PPP1R21: variants seen among roughly 807,000 people sequenced by gnomAD.
The protein encoded by PPP1R21 is protein phosphatase 1 regulatory subunit 21.
Under a neutral mutation model 112.8 loss-of-function variants are expected in PPP1R21, and 85 were observed. That is an observed-to-expected ratio of 0.75 (90% CI 0.63 to 0.90). The LOEUF is 0.90. Among genes scored for constraint, PPP1R21 ranks in the 40% least tolerant of loss-of-function variants. The pLI is 0.00. For missense variants in PPP1R21, 1,199 were observed against 901.5 expected, an observed-to-expected ratio of 1.33 and a Z score of -4.23; for synonymous variants, 381 against 322.3, an observed-to-expected ratio of 1.18 and a Z score of -1.95.
Position 48,454,672 on chromosome 2 carries a change from G to T in PPP1R21, c.204G>T (p.Gln68His). 2.5e-6 allele frequency: 4 copies of T among 1,614,196 alleles called. No homozygotes were observed. The Admixed American group carries it at 5.0e-5, about 20-fold the overall frequency. The change falls in exon 3 of 22, where the codon CAG (glutamine) becomes CAT (histidine). Residue 68 changes from glutamine (Q) to histidine (H), a missense_variant. By Grantham distance (24) the Gln-to-His change is conservative. Coordinates refer to ENST00000294952, the MANE Select transcript of PPP1R21 (RefSeq NM_001135629.3). ...EMDSLTFRNL[Q>H]LAKRVELLQD... ...ACAGTTTGACATTTCGAAATCTGCAGCTTGCCAAGAGGGTAGAACTACTTC... is the reference window on the plus strand; with the variant it reads ...ACAGTTTGACATTTCGAAATCTGCATCTTGCCAAGAGGGTAGAACTACTTC...
intron 1 of PPP1R21, 42 bp from the exon 2 acceptor site, chr2:48,450,966 T>G (rs1336351070): frequency 3.2e-6 from 5 of 1,545,994 alleles, no homozygotes; most frequent in South Asian, 1.1e-5. Context: ...TATAACCAAT[T>G]GCTTTATATT....
At chr2:48,446,319 C>T (rs1430940655) in intron 1 of PPP1R21, among the ~76,000 whole-genome samples, 1 of 152,124 alleles carries the variant, frequency 6.6e-6, no homozygotes, top group Non-Finnish European at 1.5e-5. Context: ...GTGAGCTTAC[C>T]AGCACTCTGT....
At chr2:48,507,643 A>G (rs1187713254) in intron 19 of PPP1R21, among the ~76,000 whole-genome samples, 1 of 151,224 alleles carries the variant, frequency 6.6e-6, no homozygotes, top group Non-Finnish European at 1.5e-5. Context: ...CTGGGATTAC[A>G]GGTGTGAGCC....
Position 48,456,673 on chromosome 2 carries a change from C to T in PPP1R21, c.274-1453C>T, listed in dbSNP as rs543464351. On this transcript the variant is annotated intron_variant, in intron 3 of 21. Coordinates refer to ENST00000294952, the MANE Select transcript of PPP1R21 (RefSeq NM_001135629.3). ...ATGCATTTCCCCACATAGAAGCATT[C>T]CCGAGAGTGTTAGTGTTCAAATAAA... Among the ~76,000 whole-genome samples the T allele has an allele frequency of 2.3e-4, 35 of 152,250 alleles. No individual in the cohort carries two copies. In the South Asian group the frequency reaches 5.2e-3, roughly 23 times the overall value.
chr2:48,468,556 T>C (rs7567420), intron 9 of PPP1R21, among the ~76,000 whole-genome samples: 84,179 of 152,008 alleles, frequency 0.55, 23,952 homozygotes, highest in Middle Eastern at 0.76. Context: ...CTCACACCTG[T>C]AATCCTAGTA....
At chr2:48,508,495 G>C (rs953148003) in intron 19 of PPP1R21, among the ~76,000 whole-genome samples, 2 of 152,146 alleles carry the variant, frequency 1.3e-5, no homozygotes, top group Non-Finnish European at 2.9e-5. Flanking sequence ...AGCAGCCATC[G>C]AATACATGTT....
At chr2:48,458,260 A>C (rs1667811605) in intron 4 of PPP1R21, 33 bp downstream of exon 4, 2 of 1,441,968 alleles carry the variant, frequency 1.4e-6, no homozygotes, top group African/African-American at 2.8e-5. Context: ...GTGAATTAAA[A>C]AATGGGTCTG....
intron 9 of PPP1R21, among the ~76,000 whole-genome samples, chr2:48,469,535 T>TATATAGAGAG (rs1553339307): frequency 3.1e-4 from 23 of 73,224 alleles, no homozygotes; most frequent in Non-Finnish European, 4.0e-4. Flanking sequence ...TATATATATA[T>TATATAGAGAG]AGAGCATATA....
chr2:48,441,480 G>C, intron 1 of PPP1R21: 1 of 205,906 alleles, frequency 4.9e-6, no homozygotes, highest in Non-Finnish European at 1.1e-5. Flanking sequence ...GGTAAATAGA[G>C]ACATTCGGGT....
intron 15 of PPP1R21, 39 bp downstream of exon 15, chr2:48,491,209 A>G: frequency 6.3e-7 from 1 of 1,589,892 alleles, no homozygotes; most frequent in Non-Finnish European, 8.6e-7. Context: ...CAGAGGAAAC[A>G]TCAGGAGTCA....
At chr2:48,512,701 G>T (rs1241816360) in intron 21 of PPP1R21, among the ~76,000 whole-genome samples, 1 of 152,142 alleles carries the variant, frequency 6.6e-6, no homozygotes, top group Non-Finnish European at 1.5e-5. Flanking sequence ...CTGCTTTGGA[G>T]GCTGTCTCTG....
chr2:48,491,141 G>A lies in PPP1R21; in HGVS notation c.1570G>A (p.Ala524Thr), dbSNP rs1366116525. 7 of 1,613,636 alleles carry A rather than the reference G, an allele frequency of 4.3e-6. No homozygotes were observed. The South Asian group carries it at 6.6e-5, about 15-fold the overall frequency. Residue 524 changes from alanine to threonine, a missense_variant, in exon 15 of 22, where the codon GCT becomes ACT. Transcript: ENST00000294952. ...ATGCATGCTACAGTATAAGAAAAAA[G>A]CTGCTGCCTATATGAAGTCTTTGAG... ...AECMLQYKKK[A>T]AAYMKSLRKP...
chr2:48,474,108 C>T (rs62138863), intron 11 of PPP1R21, among the ~76,000 whole-genome samples: 6 of 152,116 alleles, frequency 3.9e-5, no homozygotes, highest in African/African-American at 1.2e-4. Context: ...TATGGCCGGG[C>T]GTGGTGGTTC....
intron 15 of PPP1R21, among the ~76,000 whole-genome samples, chr2:48,494,411 TTTTATTTA>T (rs150607938): frequency 4.1e-5 from 6 of 146,766 alleles, no homozygotes; most frequent in South Asian, 2.2e-4. Context: ...GCCTATTTTA[TTTTATTTA>T]TTTATTTATT....
At chr2:48,473,394 C>T (rs182461143) in intron 11 of PPP1R21, among the ~76,000 whole-genome samples, 7 of 152,234 alleles carry the variant, frequency 4.6e-5, no homozygotes, top group Admixed American at 1.3e-4. Context: ...AGAACCATTG[C>T]ACAAGTATTT....
intron 17 of PPP1R21, among the ~76,000 whole-genome samples, chr2:48,501,288 T>G (rs1000047171): frequency 1.3e-5 from 2 of 152,376 alleles, no homozygotes; most frequent in Admixed American, 1.3e-4. Flanking sequence ...CTGTTCATTA[T>G]GTCTGATTTC....
chr2:48,486,264 C>A (rs1214811245), intron 13 of PPP1R21, among the ~76,000 whole-genome samples: 1 of 152,030 alleles, frequency 6.6e-6, no homozygotes, highest in African/African-American at 2.4e-5. Flanking sequence ...TATATAAATA[C>A]AAGATAATTT....
At chr2:48,483,856 A>T (rs1210405961) in intron 13 of PPP1R21, among the ~76,000 whole-genome samples, 2 of 151,838 alleles carry the variant, frequency 1.3e-5, no homozygotes, top group Non-Finnish European at 2.9e-5. Context: ...TTAATTTTTT[A>T]AATTTCTTTT....
chr2:48,509,976 G>C (rs150611634), intron 19 of PPP1R21, 39 bp from the exon 20 acceptor site: 1 of 1,502,660 alleles, frequency 6.7e-7, no homozygotes, highest in South Asian at 1.2e-5. Flanking sequence ...GTTTTAGAAA[G>C]TGCTCCCTCT....
Sources: gnomAD v4.1 joint callset for allele counts (sites outside exome capture counted in the v4.1 genomes callset) on GRCh38, gnomAD v4.1.1 for gene constraint, MANE v1.5 for transcripts, NCBI Gene and HGNC (gene_info 2026-07-23, HGNC 2026-07-21) for gene names.